The following WWOX variants were observed in gnomAD, a reference collection of about 807,000 sequenced individuals.
WWOX encodes the protein WW domain-containing oxidoreductase.
In WWOX, 69 loss-of-function variants were observed where a neutral mutation model predicts 46.2. The ratio of observed to expected loss-of-function variants is 1.49; its 90% CI spans 1.23 to 1.82. The LOEUF (loss-of-function observed/expected upper bound fraction) is 1.82, where lower values mean the gene tolerates loss of function less well. Among genes scored for constraint, WWOX ranks in the 40% most tolerant of loss-of-function variants. WWOX has a pLI of 0.00. For missense variants in WWOX, 919 were observed against 542.6 expected, an observed-to-expected ratio of 1.69 and a Z score of -6.89; for synonymous variants, 359 against 202.6, an observed-to-expected ratio of 1.77 and a Z score of -6.56.
intron 8 of WWOX, among the ~76,000 whole-genome samples, chr16:78,859,512 A>G (rs1289810841): frequency 1.3e-5 from 2 of 152,212 alleles, no homozygotes; most frequent in Non-Finnish European, 2.9e-5. Flanking sequence ...GATTTTTATC[A>G]TTAGCACCCA....
chr16:78,963,179 A>C (rs1351339387), intron 8 of WWOX, among the ~76,000 whole-genome samples: 1 of 152,190 alleles, frequency 6.6e-6, no homozygotes, highest in African/African-American at 2.4e-5. Flanking sequence ...ATTTCAAAAT[A>C]AGTTGTAGGT....
At chr16:78,921,571 C>T (rs2045380491) in intron 8 of WWOX, among the ~76,000 whole-genome samples, 1 of 152,210 alleles carries the variant, frequency 6.6e-6, no homozygotes, top group African/African-American at 2.4e-5. Context: ...GAGCAGCTTA[C>T]TCACATTCTC....
chr16:78,634,835 A>AGT (rs1555507717), intron 8 of WWOX, among the ~76,000 whole-genome samples: 22 of 127,560 alleles, frequency 1.7e-4, no homozygotes, highest in Non-Finnish European at 3.1e-4. Context: ...AGAGAGAGAG[A>AGT]GAGTGTGTGT....
At chr16:78,976,700 C>A (rs974180333) in intron 8 of WWOX, among the ~76,000 whole-genome samples, 3 of 152,166 alleles carry the variant, frequency 2.0e-5, no homozygotes, top group Admixed American at 6.5e-5. Flanking sequence ...ATGCCTGAGA[C>A]CCACCAGGAG....
intron 8 of WWOX, among the ~76,000 whole-genome samples, chr16:78,581,658 A>G (rs1034131217): frequency 6.6e-6 from 1 of 152,186 alleles, no homozygotes; most frequent in South Asian, 2.1e-4. Context: ...TTGGGAATAA[A>G]TGCTACCCAT....
intron 5 of WWOX, among the ~76,000 whole-genome samples, chr16:78,214,419 A>C (rs1379896453): frequency 6.6e-6 from 1 of 152,126 alleles, no homozygotes; most frequent in African/African-American, 2.4e-5. Flanking sequence ...AGTGGCTGGC[A>C]TTCTGTGCAC....
intron 5 of WWOX, among the ~76,000 whole-genome samples, chr16:78,229,456 T>C (rs554308732): frequency 1.9e-3 from 107 of 57,746 alleles, no homozygotes; most frequent in African/African-American, 0.011. Context: ...TTAGATTTTT[T>C]CTGTTTTATC....
Position 79,099,789 on chromosome 16 carries a change from A to G in WWOX, c.1057-111819A>G, listed in dbSNP as rs538165351. ...ATATTTGGTTACAGTATGAGAGACA[A>G]GGGACTAAAATAAGGTTGTGGATCA... On this transcript the variant is annotated intron_variant, in intron 8 of 8. Transcript: ENST00000566780. Among the ~76,000 whole-genome samples the G allele has an allele frequency of 3.9e-5, 6 of 152,332 alleles. No homozygotes were observed. In the East Asian group the frequency reaches 7.7e-4, roughly 20 times the overall value.
At chr16:78,620,537 G>C (rs2046153968) in intron 8 of WWOX, among the ~76,000 whole-genome samples, 1 of 152,152 alleles carries the variant, frequency 6.6e-6, no homozygotes, top group South Asian at 2.1e-4. Flanking sequence ...ACTAGATAGT[G>C]GGTAGGGTGG....
At chr16:78,886,101 A>G (rs1046939279) in intron 8 of WWOX, among the ~76,000 whole-genome samples, 3 of 151,444 alleles carry the variant, frequency 2.0e-5, no homozygotes, top group Non-Finnish European at 4.4e-5. Flanking sequence ...ATTTTTGTAT[A>G]TTTAGTAGAG....
intron 8 of WWOX, among the ~76,000 whole-genome samples, chr16:78,922,221 T>G (rs1366444603): frequency 6.6e-6 from 1 of 152,124 alleles, no homozygotes; most frequent in Non-Finnish European, 1.5e-5. Flanking sequence ...TAAGCAATAT[T>G]GTTGGTCCTT....
chr16:78,400,006 C>T (rs1488979474), intron 6 of WWOX, among the ~76,000 whole-genome samples: 1 of 152,172 alleles, frequency 6.6e-6, no homozygotes, highest in Non-Finnish European at 1.5e-5. Flanking sequence ...CTACTTGTCA[C>T]TGCACTGTGT....
chr16:79,078,535 C>G (rs567019003), intron 8 of WWOX, among the ~76,000 whole-genome samples: 6 of 152,152 alleles, frequency 3.9e-5, no homozygotes, highest in Non-Finnish European at 8.8e-5. Context: ...CCATTTTTAA[C>G]CTTGACTGCA....
chr16:78,632,970 G>C (rs973104761), intron 8 of WWOX, among the ~76,000 whole-genome samples: 1 of 152,088 alleles, frequency 6.6e-6, no homozygotes, highest in Non-Finnish European at 1.5e-5. Flanking sequence ...TACAGATGAA[G>C]AAGTTAAGGT....
chr16:78,754,094 T>C (rs965612885), intron 8 of WWOX, among the ~76,000 whole-genome samples: 2 of 151,882 alleles, frequency 1.3e-5, no homozygotes, highest in Non-Finnish European at 2.9e-5. Context: ...CTAAGTATTA[T>C]TAGATTGTGA....
At chr16:79,174,939 C>A (rs1470714899) in intron 8 of WWOX, among the ~76,000 whole-genome samples, 3 of 152,108 alleles carry the variant, frequency 2.0e-5, no homozygotes, top group African/African-American at 7.2e-5. Flanking sequence ...TTAGCAGTAA[C>A]CCTGAGGACT....
intron 5 of WWOX, among the ~76,000 whole-genome samples, chr16:78,371,138 A>G (rs1396586988): frequency 6.6e-6 from 1 of 152,060 alleles, no homozygotes; most frequent in Non-Finnish European, 1.5e-5. Flanking sequence ...AATTTTACTT[A>G]AGTATATGAG....
intron 8 of WWOX, among the ~76,000 whole-genome samples, chr16:79,010,200 C>A (rs2047275667): frequency 6.6e-6 from 1 of 152,190 alleles, no homozygotes; most frequent in Non-Finnish European, 1.5e-5. Context: ...CCCCAGGAGG[C>A]TTTCACAAAT....
At chr16:78,847,062 C>T (rs1191010100) in intron 8 of WWOX, among the ~76,000 whole-genome samples, 1 of 152,206 alleles carries the variant, frequency 6.6e-6, no homozygotes, top group African/African-American at 2.4e-5. Context: ...CTTTTTTGAG[C>T]ACTTTCTTAT....
Sources: allele counts gnomAD v4.1 joint callset (sites outside exome capture counted in the v4.1 genomes callset), GRCh38; gene constraint gnomAD v4.1.1; transcripts MANE v1.5; gene names NCBI Gene and HGNC (gene_info 2026-07-23, HGNC 2026-07-21).